LIMS1: variants seen among roughly 807,000 people sequenced by gnomAD.
The protein encoded by LIMS1 is LIM zinc finger domain containing 1, also known as LIM and senescent cell antigen-like-containing domain protein 1.
In LIMS1, 18 loss-of-function variants were observed where a neutral mutation model predicts 44.1. The observed-to-expected ratio is 0.41, with a 90% CI of 0.28 to 0.61. The LOEUF (loss-of-function observed/expected upper bound fraction) is 0.61, where lower values mean the gene tolerates loss of function less well. Ranked by LOEUF, LIMS1 falls within the 20% of genes least tolerant of loss-of-function variation. The pLI, the probability that LIMS1 is intolerant of heterozygous loss-of-function variation, is 0.32. For synonymous variants in LIMS1, 93 were observed against 149.1 expected, an observed-to-expected ratio of 0.62 and a Z score of 2.74; for missense variants, 201 against 422.0, an observed-to-expected ratio of 0.48 and a Z score of 4.59.
intron 1 of LIMS1, among the ~76,000 whole-genome samples, chr2:108,635,347 G>C (rs192828300): frequency 2.0e-5 from 3 of 147,004 alleles, no homozygotes; most frequent in Non-Finnish European, 3.0e-5. Flanking sequence ...AGAATCGCTT[G>C]AACTCGGAAG....
Position 108,534,608 on chromosome 2 carries a change from C to A in LIMS1, c.32+14C>A. On this transcript the variant is annotated intron_variant, in intron 1 of 9. Coordinates refer to ENST00000544547, the Ensembl canonical transcript of LIMS1. Reference sequence around the variant, plus strand: ...GATGACCCACAGGTACGGGCCGCACCGCGCGGCCCCCGCCACGTCCGCCCC... The same window carrying A: ...GATGACCCACAGGTACGGGCCGCACAGCGCGGCCCCCGCCACGTCCGCCCC... 1 of 1,127,242 alleles carries A rather than the reference C, an allele frequency of 8.9e-7. No homozygotes were observed. Among genetic ancestry groups the A allele is most frequent in the Admixed American group, 5.1e-5 (1 of 19,732 alleles). The allele number at this position is 1,127,242 out of a possible 1,614,324, so 69.8% of individuals were successfully genotyped here. A position where few individuals can be genotyped will look rare whatever the true frequency, so the allele number is the denominator to read the frequency against.
At chr2:108,533,738 T>A (rs888150729), upstream of LIMS1, 2 of 152,428 alleles carry the variant, frequency 1.3e-5, no homozygotes, top group Non-Finnish European at 2.9e-5. Context: ...ATAGACGGAA[T>A]GGGTGAAGAA....
intron 1 of LIMS1, among the ~76,000 whole-genome samples, chr2:108,568,528 G>T (rs920917501): frequency 6.6e-5 from 10 of 152,176 alleles, no homozygotes; most frequent in Non-Finnish European, 1.5e-4. Flanking sequence ...GCTTTAGATT[G>T]TTCTGGATAT....
chr2:108,625,625 T>C (rs1688529558), intron 1 of LIMS1, among the ~76,000 whole-genome samples: 1 of 151,544 alleles, frequency 6.6e-6, no homozygotes, highest in African/African-American at 2.4e-5. Context: ...CCTAATAGTT[T>C]AGGAGTAAAG....
At chr2:108,534,699 C>T (rs368878460) in intron 1 of LIMS1, 105 bp downstream of exon 1, 13,578 of 618,814 alleles carry the variant, frequency 0.022, 328 homozygotes, top group South Asian at 0.13. Context: ...GCCGGGCTTT[C>T]CCCGCGGCCT....
At chr2:108,624,948 G>A (rs892985827) in intron 1 of LIMS1, among the ~76,000 whole-genome samples, 1 of 151,530 alleles carries the variant, frequency 6.6e-6, no homozygotes, top group East Asian at 2.0e-4. Flanking sequence ...GTGTGGTGGC[G>A]CACACCTATG....
chr2:108,657,408 T>C (rs1690954587), intron 1 of LIMS1, among the ~76,000 whole-genome samples: 1 of 152,310 alleles, frequency 6.6e-6, no homozygotes, highest in South Asian at 2.1e-4. Context: ...ATCTTACGGT[T>C]TCCAAATAGT....
chr2:108,625,612 A>T (rs188084428), intron 1 of LIMS1, among the ~76,000 whole-genome samples: 178 of 149,848 alleles, frequency 1.2e-3, no homozygotes, highest in African/African-American at 4.3e-3. Context: ...TGAAATTTGT[A>T]TCCCTAATAG....
chr2:108,679,568 T>G (rs557045962), intron 8 of LIMS1, among the ~76,000 whole-genome samples: 1 of 152,214 alleles, frequency 6.6e-6, no homozygotes, highest in South Asian at 2.1e-4. Context: ...GATTTTGGTA[T>G]CCTCACAGCA....
chr2:108,643,473 C>T (rs1020468110), intron 1 of LIMS1, among the ~76,000 whole-genome samples: 1 of 152,186 alleles, frequency 6.6e-6, no homozygotes, highest in Non-Finnish European at 1.5e-5. Context: ...TTGCACTTTT[C>T]CCACGGTCTT....
chr2:108,664,811 A>G (rs573616930), intron 2 of LIMS1, among the ~76,000 whole-genome samples: 3 of 152,194 alleles, frequency 2.0e-5, no homozygotes, highest in African/African-American at 7.2e-5. Context: ...CATAGCCCAG[A>G]GTGCAAGAGA....
chr2:108,668,081 A>G (rs952880875), intron 2 of LIMS1, among the ~76,000 whole-genome samples: 6 of 152,170 alleles, frequency 3.9e-5, no homozygotes, highest in African/African-American at 1.2e-4. Flanking sequence ...TCTAATTGAC[A>G]TAATAATTAC....
chr2:108,622,423 A>G (rs1688299016), intron 1 of LIMS1, among the ~76,000 whole-genome samples: 1 of 152,220 alleles, frequency 6.6e-6, no homozygotes, highest in Non-Finnish European at 1.5e-5. Context: ...TGTATTTGTC[A>G]CAGACAGCTA....
intron 1 of LIMS1, among the ~76,000 whole-genome samples, chr2:108,592,394 T>A (rs573267393): frequency 6.6e-6 from 1 of 152,302 alleles, no homozygotes; most frequent in Non-Finnish European, 1.5e-5. Context: ...AAGGATACTT[T>A]ATCAGCCCAG....
intron 2 of LIMS1, among the ~76,000 whole-genome samples, chr2:108,668,313 A>G (rs1691930601): frequency 6.6e-6 from 1 of 151,506 alleles, no homozygotes; most frequent in Admixed American, 6.6e-5. Context: ...GAACACTAGA[A>G]CTTATTCGTC....
chr2:108,613,389 GGTCTGTTT>G (rs1687764618), intron 1 of LIMS1, among the ~76,000 whole-genome samples: 1 of 152,176 alleles, frequency 6.6e-6, no homozygotes, highest in Non-Finnish European at 1.5e-5. Context: ...TAGTTCACCA[GGTCTGTTT>G]GTTGCTATGT....
intron 1 of LIMS1, among the ~76,000 whole-genome samples, chr2:108,650,921 C>A (rs1690438577): frequency 6.6e-6 from 1 of 152,110 alleles, no homozygotes; most frequent in African/African-American, 2.4e-5. Context: ...GGGCTGGATA[C>A]TTCTTAGGCA....
chr2:108,578,466 C>G (rs1422800440), intron 1 of LIMS1, among the ~76,000 whole-genome samples: 2 of 152,096 alleles, frequency 1.3e-5, no homozygotes, highest in Non-Finnish European at 2.9e-5. Flanking sequence ...TCTGCACTTT[C>G]CTCCACCCCC....
rs912572751 is a variant in LIMS1 at position 108,586,431 on chromosome 2, G to C, written c.32+51837G>C. ...TTGGGACTGAAGGCCTGAAGAGTAA[G>C]CATATAGGTGGGAGGTAGTTGAAAG... On this transcript the variant is annotated intron_variant, in intron 1 of 9. Coordinates refer to ENST00000544547, the Ensembl canonical transcript of LIMS1. Among the ~76,000 whole-genome samples, 9 of 152,206 alleles carry C rather than the reference G, an allele frequency of 5.9e-5. No homozygotes were observed. In the South Asian group the frequency reaches 1.2e-3, roughly 21 times the overall value.
Sources: gnomAD v4.1 joint callset for allele counts (sites outside exome capture counted in the v4.1 genomes callset) on GRCh38, gnomAD v4.1.1 for gene constraint, MANE v1.5 for transcripts, NCBI Gene and HGNC (gene_info 2026-07-23, HGNC 2026-07-21) for gene names.